ACOT1: variants seen among roughly 807,000 people sequenced by gnomAD.
ACOT1 encodes acyl-CoA thioesterase 1.
In ACOT1, 8 loss-of-function variants were observed where a neutral mutation model predicts 15.7. The observed-to-expected ratio is 0.51, with a 90% CI of 0.30 to 0.92. ACOT1 has a LOEUF of 0.92. Ranked by LOEUF, ACOT1 falls within the 40% of genes least tolerant of loss-of-function variation. ACOT1 has a pLI of 0.06. For synonymous variants in ACOT1, 67 were observed against 241.2 expected (o/e 0.28, Z 6.69); for missense variants, 151 against 539.4 (o/e 0.28, Z 7.13).
chr14:73,513,216 T>C, the ACOT1 span, among the ~76,000 whole-genome samples: 31 of 152,314 alleles, frequency 2.0e-4, no homozygotes, highest in African/African-American at 7.2e-4. Flanking sequence ...CCCAGCACTT[T>C]GGGAGGCCAA....
At chr14:73,492,326 C>T in the ACOT1 span, 5 of 1,614,042 alleles carry the variant, frequency 3.1e-6, no homozygotes, top group Middle Eastern at 3.3e-4. This position sits in a 1 kb window ranked among gnomAD's most constrained non-coding sequence, Gnocchi z 4.9. Context: ...GGCCATACTG[C>T]CTCTGGCAGT....
the ACOT1 span, chr14:73,496,724 T>TA: frequency 2.9e-6 from 3 of 1,031,036 alleles, no homozygotes; most frequent in Non-Finnish European, 4.6e-6. Context: ...CCCTGCCCTT[T>TA]AAAAAAGTAT....
the ACOT1 span, among the ~76,000 whole-genome samples, chr14:73,493,736 G>C: frequency 6.6e-6 from 1 of 152,182 alleles, no homozygotes; most frequent in Admixed American, 6.5e-5. Flanking sequence ...TACTAGGGGG[G>C]CTGAGGCAGG....
At chr14:73,503,513 G>A in the ACOT1 span, among the ~76,000 whole-genome samples, 1 of 152,186 alleles carries the variant, frequency 6.6e-6, no homozygotes, top group Non-Finnish European at 1.5e-5. Flanking sequence ...ATGTGTAAAT[G>A]TGCCCACGCT....
the ACOT1 span, chr14:73,491,616 G>A: frequency 6.5e-7 from 1 of 1,547,542 alleles, no homozygotes; most frequent in Non-Finnish European, 8.7e-7. Context: ...AGCAGCCGGC[G>A]GCGAGCGGCC....
the ACOT1 span, chr14:73,519,168 G>T: frequency 6.2e-7 from 1 of 1,609,392 alleles, no homozygotes; most frequent in African/African-American, 1.3e-5. Flanking sequence ...CTTCATCTGT[G>T]AACAGACAAA....
the ACOT1 span, chr14:73,511,913 G>C: frequency 1.3e-6 from 2 of 1,483,626 alleles, no homozygotes; most frequent in Non-Finnish European, 1.9e-6. Context: ...TTTGTAAAAT[G>C]ATCTCAGATA....
At chr14:73,505,818 C>CG in the ACOT1 span, among the ~76,000 whole-genome samples, 761 of 149,110 alleles carry the variant, frequency 5.1e-3, 9 homozygotes, top group African/African-American at 0.018. Flanking sequence ...CCAATTTTGG[C>CG]GGGGGGGAAA....
chr14:73,527,110 T>G, the ACOT1 span: 1 of 152,204 alleles, frequency 6.6e-6, no homozygotes, highest in East Asian at 1.9e-4. Flanking sequence ...ATACATCAGC[T>G]GCAGAGACCG....
the ACOT1 span, among the ~76,000 whole-genome samples, chr14:73,511,434 G>A: frequency 6.6e-6 from 1 of 151,880 alleles, no homozygotes; most frequent in South Asian, 2.1e-4. Context: ...CAGGAGAATT[G>A]CTTGAACCTG....
chr14:73,539,984 G>GCAAT lies in ACOT1; in HGVS notation c.458-1506_458-1503dup, dbSNP rs769329844. Among the ~76,000 whole-genome samples the GCAAT allele has an allele frequency of 6.0e-5, 7 of 115,868 alleles. 3 individuals are homozygous for GCAAT. The highest frequency in any genetic ancestry group is 9.4e-5 in the Non-Finnish European group (5 of 53,104). The allele number at this position is 115,868 out of a possible 152,430, so 76.0% of individuals were successfully genotyped here. ...TGGATACTTTTATATTACATAAAGAGCAATCAGCCAGTGTAGAAATGATGC... is the reference window on the plus strand; with the variant it reads ...TGGATACTTTTATATTACATAAAGAGCAATCAATCAGCCAGTGTAGAAATGATGC... On this transcript the variant is annotated intron_variant, in intron 1 of 2. Coordinates refer to ENST00000311148, the MANE Select transcript of ACOT1 (RefSeq NM_001037161.2).
chr14:73,516,570 T>TTATAGCTGGATAG, the ACOT1 span, among the ~76,000 whole-genome samples: 1 of 151,542 alleles, frequency 6.6e-6, no homozygotes, highest in East Asian at 1.9e-4. Flanking sequence ...GTCCTTTGGG[T>TTATAGCTGGATAG]TATAGCTGGA....
the ACOT1 span, among the ~76,000 whole-genome samples, chr14:73,509,746 C>T: frequency 1.4e-5 from 2 of 138,340 alleles, no homozygotes; most frequent in African/African-American, 5.4e-5. Context: ...ATGTTTCCAG[C>T]TAGGCTACAG....
At chr14:73,528,538 G>A in the ACOT1 span, among the ~76,000 whole-genome samples, 1 of 152,132 alleles carries the variant, frequency 6.6e-6, no homozygotes, top group Non-Finnish European at 1.5e-5. Flanking sequence ...AAAGAGGCTT[G>A]TTCTGGCTTG....
At chr14:73,493,063 T>A in the ACOT1 span, 6 of 1,612,752 alleles carry the variant, frequency 3.7e-6, no homozygotes, top group Non-Finnish European at 5.1e-6. Context: ...TGCTCACATT[T>A]ACCTTTATCA....
At chr14:73,504,916 C>G in the ACOT1 span, among the ~76,000 whole-genome samples, 82 of 152,202 alleles carry the variant, frequency 5.4e-4, no homozygotes, top group Non-Finnish European at 1.1e-3. Flanking sequence ...CTGAGCCCCA[C>G]CATCTTCACC....
the ACOT1 span, among the ~76,000 whole-genome samples, chr14:73,509,852 A>T: frequency 2.5e-4 from 15 of 60,044 alleles, no homozygotes; most frequent in African/African-American, 9.1e-4. Flanking sequence ...ATATATATAT[A>T]TATATATATA....
At chr14:73,527,692 T>A in the ACOT1 span, among the ~76,000 whole-genome samples, 304 of 151,894 alleles carry the variant, frequency 2.0e-3, 1 homozygote, top group African/African-American at 7.1e-3. Context: ...AAATACACAG[T>A]CAGGGCCAGG....
At chr14:73,518,913 G>A in the ACOT1 span, 1 of 1,055,704 alleles carries the variant, frequency 9.5e-7, no homozygotes, top group Non-Finnish European at 1.4e-6. Context: ...GATGCTAATG[G>A]TGCTTCAGCC....
Sources: gnomAD v4.1 joint callset for allele counts (sites outside exome capture counted in the v4.1 genomes callset) on GRCh38, gnomAD v4.1.1 for gene constraint, Gnocchi (gnomAD v3.1) non-coding constraint, MANE v1.5 for transcripts, NCBI Gene and HGNC (gene_info 2026-07-23, HGNC 2026-07-21) for gene names.